ATAD2B: variants seen among roughly 807,000 people sequenced by gnomAD.
ATAD2B encodes the protein ATPase family AAA domain containing 2B.
A neutral mutation model predicts 167.6 loss-of-function variants in ATAD2B; 40 were observed. That is an observed-to-expected ratio of 0.24 (90% CI 0.19 to 0.31). The LOEUF (loss-of-function observed/expected upper bound fraction) is 0.31, where lower values mean the gene tolerates loss of function less well. Ranked by LOEUF, ATAD2B falls within the 10% of genes least tolerant of loss-of-function variation. The pLI, the probability that ATAD2B is intolerant of heterozygous loss-of-function variation, is 1.00. For missense variants in ATAD2B, 1,242 were observed against 1,757.2 expected (o/e 0.71, Z 5.24); for synonymous variants, 579 against 596.5 (o/e 0.97, Z 0.43).
intron 22 of ATAD2B, among the ~76,000 whole-genome samples, chr2:23,770,062 C>A (rs1204933794): frequency 6.6e-6 from 1 of 151,530 alleles, no homozygotes; most frequent in Non-Finnish European, 1.5e-5. Context: ...GTAATCCCAG[C>A]ACTTTGGAAG....
At chr2:23,915,804 G>T (rs528931680) in intron 1 of ATAD2B, among the ~76,000 whole-genome samples, 1 of 151,596 alleles carries the variant, frequency 6.6e-6, no homozygotes, top group African/African-American at 2.4e-5. Context: ...TATTGGTCAG[G>T]CTACTCTCGA....
chr2:23,867,083 C>T (rs922871323), intron 10 of ATAD2B, among the ~76,000 whole-genome samples: 8 of 152,132 alleles, frequency 5.3e-5, no homozygotes, highest in Non-Finnish European at 1.0e-4. Context: ...CTCCTTAATG[C>T]CAAACCTAAA....
chr2:23,811,523 C>G (rs1685587928), intron 17 of ATAD2B: 1 of 152,154 alleles, frequency 6.6e-6, no homozygotes, highest in Non-Finnish European at 1.5e-5. Flanking sequence ...GTTATGTTCT[C>G]ACTCATAAGT....
chr2:23,792,596 A>C (rs930590757), intron 19 of ATAD2B, among the ~76,000 whole-genome samples: 1 of 152,128 alleles, frequency 6.6e-6, no homozygotes, highest in Non-Finnish European at 1.5e-5. Flanking sequence ...CAACCCATTA[A>C]ATAAAAATAG....
chr2:23,810,203 A>T, intron 18 of ATAD2B, 113 bp downstream of exon 18: 1 of 920,658 alleles, frequency 1.1e-6, no homozygotes, highest in Non-Finnish European at 1.6e-6. Flanking sequence ...ACAAAAAGTT[A>T]ATATTCATAT....
At chr2:23,768,141 T>C (rs1056475064) in intron 22 of ATAD2B, among the ~76,000 whole-genome samples, 3 of 152,314 alleles carry the variant, frequency 2.0e-5, no homozygotes, top group Middle Eastern at 6.8e-3. Context: ...AATAGATCTA[T>C]TGAAGCATAA....
chr2:23,760,699 TACACACACACAC>T (rs1238984150), intron 24 of ATAD2B, among the ~76,000 whole-genome samples: 16 of 123,638 alleles, frequency 1.3e-4, no homozygotes, highest in African/African-American at 4.3e-4. Flanking sequence ...TTTATATATA[TACACACACACAC>T]ACACACACAC....
intron 1 of ATAD2B, among the ~76,000 whole-genome samples, chr2:23,901,366 T>C (rs915315826): frequency 1.3e-5 from 2 of 149,368 alleles, no homozygotes; most frequent in Admixed American, 6.7e-5. Flanking sequence ...CCCTTTTTTT[T>C]TTTTTCTTCA....
the ATAD2B span, among the ~76,000 whole-genome samples, chr2:23,738,200 G>A: frequency 3.3e-5 from 5 of 152,110 alleles, no homozygotes; most frequent in Non-Finnish European, 7.4e-5. Context: ...TACAGAGAAT[G>A]CCACAAAGAT....
At chr2:23,809,131 G>T (rs1422268549) in intron 18 of ATAD2B, 1 of 151,866 alleles carries the variant, frequency 6.6e-6, no homozygotes, top group African/African-American at 2.4e-5. Context: ...ATTTTAAATG[G>T]TACTGAGTAA....
At chr2:23,772,546 A>C (rs1678488532) in intron 22 of ATAD2B, among the ~76,000 whole-genome samples, 1 of 152,072 alleles carries the variant, frequency 6.6e-6, no homozygotes, top group African/African-American at 2.4e-5. Flanking sequence ...ATTGTCTCTA[A>C]AATAACTCAA....
At chr2:23,848,317 T>A in intron 13 of ATAD2B, among the ~76,000 whole-genome samples, 1 of 149,928 alleles carries the variant, frequency 6.7e-6, no homozygotes, top group East Asian at 2.0e-4. Context: ...GTGTCTCTAC[T>A]AAAAACACAA....
At chr2:23,866,068 A>G in intron 10 of ATAD2B, 1 of 324,044 alleles carries the variant, frequency 3.1e-6, no homozygotes, top group Non-Finnish European at 4.4e-6. Context: ...TAACAGAAAC[A>G]TTTTAAGAGA....
Position 23,754,740 on chromosome 2 carries a change from A to T in ATAD2B, c.4113T>A (p.Ile1371=). 6.2e-7 allele frequency: 1 copy of T among 1,612,842 alleles called. No homozygotes were observed. The highest frequency in any genetic ancestry group is 8.5e-7 in the Non-Finnish European group (1 of 1,179,194). Residue 1371 remains isoleucine, a synonymous_variant, in exon 26 of 28, where the codon ATT becomes ATA. Coordinates refer to ENST00000238789, the MANE Select transcript of ATAD2B (RefSeq NM_017552.4). ...GGCTTGTCGTTTTTGCCTGCTCTAA[A>T]ATTAATTTACGGTATTTCTTTACTT... ...ASKVKKYRKL[I]LEQAKTTSLE...
the ATAD2B span, among the ~76,000 whole-genome samples, chr2:23,701,274 A>G: frequency 6.6e-6 from 1 of 152,086 alleles, no homozygotes; most frequent in African/African-American, 2.4e-5. Flanking sequence ...GGTCCAAGCC[A>G]CTGTCGCATC....
At chr2:23,845,559 G>C (rs142870182) in intron 13 of ATAD2B, among the ~76,000 whole-genome samples, 2 of 150,142 alleles carry the variant, frequency 1.3e-5, no homozygotes, top group East Asian at 3.9e-4. Flanking sequence ...ACTGTAAATG[G>C]GCATGCTGGA....
the ATAD2B span, among the ~76,000 whole-genome samples, chr2:23,717,103 C>T: frequency 4.6e-5 from 7 of 152,184 alleles, no homozygotes; most frequent in Admixed American, 3.3e-4. Context: ...TGGACAACAT[C>T]GAAAATAAAA....
chr2:23,891,267 G>T (rs1397233485), intron 2 of ATAD2B, among the ~76,000 whole-genome samples: 2 of 151,798 alleles, frequency 1.3e-5, no homozygotes, highest in Admixed American at 6.6e-5. Flanking sequence ...TGATCCACCC[G>T]CCTTGGCCTC....
rs144957686 is a variant in ATAD2B, at chr2:23,821,748, T to C, written c.2131+1510A>G. Reference sequence around the variant, plus strand: ...AAAGTTTATGAGCTTTATACTCTGATTAGAATGTCAATGTAATTTTTAAAT... The same window carrying C: ...AAAGTTTATGAGCTTTATACTCTGACTAGAATGTCAATGTAATTTTTAAAT... On this transcript the variant is annotated intron_variant, in intron 16 of 27. Transcript: ENST00000238789. 7.4e-3 allele frequency among the ~76,000 whole-genome samples: 1,121 copies of C among 152,322 alleles called. 10 individuals carry two copies. Among genetic ancestry groups the C allele is most frequent in the African/African-American group, 0.025 (1,060 of 41,572 alleles).
Sources: allele counts gnomAD v4.1 joint callset (sites outside exome capture counted in the v4.1 genomes callset), GRCh38; gene constraint gnomAD v4.1.1; transcripts MANE v1.5; gene names NCBI Gene and HGNC (gene_info 2026-07-23, HGNC 2026-07-21).